The following KCNJ4 variants were observed in gnomAD, a reference collection of about 807,000 sequenced individuals.
KCNJ4 encodes potassium inwardly rectifying channel subfamily J member 4, also known as inward rectifier potassium channel 4.
Under a neutral mutation model 25.6 loss-of-function variants are expected in KCNJ4, and 3 were observed. The observed-to-expected ratio is 0.12, with a 90% CI of 0.05 to 0.30. The LOEUF is 0.30. Among genes scored for constraint, KCNJ4 ranks in the 10% least tolerant of loss-of-function variants. The probability of loss-of-function intolerance (pLI) is 1.00; values close to 1 mark genes in which losing one functional copy is unlikely to be tolerated. For missense variants in KCNJ4, 286 were observed against 666.8 expected, an observed-to-expected ratio of 0.43 and a Z score of 6.29; for synonymous variants, 257 against 283.9, an observed-to-expected ratio of 0.91 and a Z score of 0.95.
chr22:38,435,414 C>T (rs2267385), intron 1 of KCNJ4, among the ~76,000 whole-genome samples: 2,919 of 152,244 alleles, frequency 0.019, 94 homozygotes, highest in East Asian at 0.13. Context: ...CAGAATTTGC[C>T]GGGCACGGTG....
intron 1 of KCNJ4, among the ~76,000 whole-genome samples, chr22:38,446,954 C>CA (rs11294836): frequency 1.2e-3 from 162 of 133,856 alleles, no homozygotes; most frequent in Non-Finnish European, 1.8e-3. Flanking sequence ...GACTCCATCT[C>CA]AAAAAAAAAA....
chr22:38,440,585 A>G (rs796325037), intron 1 of KCNJ4, among the ~76,000 whole-genome samples: 2 of 152,350 alleles, frequency 1.3e-5, no homozygotes, highest in African/African-American at 4.8e-5. Flanking sequence ...CATTCCCAGT[A>G]TAATCCCAGT....
intron 1 of KCNJ4, among the ~76,000 whole-genome samples, chr22:38,448,387 G>A (rs774407514): frequency 6.6e-6 from 1 of 152,152 alleles, no homozygotes; most frequent in Non-Finnish European, 1.5e-5. Flanking sequence ...TACACAGAGG[G>A]GCAAAGAGAG....
rs1187110204 is a variant in KCNJ4 at position 38,428,142 on chromosome 22, C to G, written c.-10G>C. ...GGCTGTGTCCGTGCATGTCCTGAAG[C>G]CGGCGTGGTCACCTGGGAAGACGCA... On this transcript the variant is annotated 5_prime_UTR_variant, in exon 2 of 2. Coordinates refer to ENST00000303592, the MANE Select transcript of KCNJ4 (RefSeq NM_152868.3). 6.3e-7 allele frequency: 1 copy of G among 1,599,956 alleles called. No homozygotes were observed. Among genetic ancestry groups the G allele is most frequent in the Non-Finnish European group, 8.5e-7 (1 of 1,171,432 alleles).
intron 1 of KCNJ4, among the ~76,000 whole-genome samples, chr22:38,453,219 C>T (rs764505980): frequency 1.3e-5 from 2 of 152,136 alleles, no homozygotes; most frequent in African/African-American, 4.8e-5. Flanking sequence ...CTTTCACAGA[C>T]CTGACACAGT....
chr22:38,450,001 C>T (rs2089400999), intron 1 of KCNJ4, among the ~76,000 whole-genome samples: 1 of 152,238 alleles, frequency 6.6e-6, no homozygotes, highest in Non-Finnish European at 1.5e-5. Flanking sequence ...AAGGTCTATT[C>T]ATAGCCGAGC....
chr22:38,431,163 G>T (rs948184629), intron 1 of KCNJ4, among the ~76,000 whole-genome samples: 1 of 152,234 alleles, frequency 6.6e-6, no homozygotes, highest in African/African-American at 2.4e-5. Context: ...ACAAGCCCAG[G>T]GTTCCAGGGG....
At position 38,431,736 on chromosome 22, in the gene KCNJ4, G is replaced by C. The variant is rs189119249; in HGVS notation, c.-39-3565C>G. Among the ~76,000 whole-genome samples, 15 of 152,338 alleles carry C rather than the reference G, an allele frequency of 9.8e-5. No homozygotes were observed. In the East Asian group the frequency reaches 2.9e-3, roughly 29 times the overall value. On this transcript the variant is annotated intron_variant, in intron 1 of 1. Transcript: ENST00000303592. ...CACCACAGACCATTTTAGCAGGAGAGAGAGGTTCAGCTGCTAATTCGAGGC... is the reference window on the plus strand; with the variant it reads ...CACCACAGACCATTTTAGCAGGAGACAGAGGTTCAGCTGCTAATTCGAGGC...
At chr22:38,442,400 A>G (rs1241989238) in intron 1 of KCNJ4, among the ~76,000 whole-genome samples, 1 of 152,028 alleles carries the variant, frequency 6.6e-6, no homozygotes, top group African/African-American at 2.4e-5. Flanking sequence ...TCAAAAAATT[A>G]GCCAGGCGTG....
intron 1 of KCNJ4, among the ~76,000 whole-genome samples, chr22:38,434,736 T>A (rs1034405019): frequency 1.3e-5 from 2 of 152,168 alleles, no homozygotes; most frequent in Admixed American, 1.3e-4. Context: ...CCTCACTGTC[T>A]ATCTGCAGCA....
chr22:38,455,145 G>GTCTGCGCGTGGGTCTTGGGGTC lies in KCNJ4; in HGVS notation c.-227_-206dup, dbSNP rs1189736743. On this transcript the variant is annotated 5_prime_UTR_variant, in exon 1 of 2. Transcript: ENST00000303592. ...CGCTCCCCTCCCCGGCTGCCGCTCG[G>GTCTGCGCGTGGGTCTTGGGGTC]TCTGCGCGTGGGTCTTGGGGTCTCC... The GTCTGCGCGTGGGTCTTGGGGTC allele has an allele frequency of 2.0e-5, 3 of 148,152 alleles. No homozygotes were observed. Among genetic ancestry groups the GTCTGCGCGTGGGTCTTGGGGTC allele is most frequent in the Admixed American group, 6.7e-5 (1 of 14,958 alleles). The allele number at this position is 148,152 out of a possible 1,614,324, so 9.2% of individuals were successfully genotyped here.
At position 38,427,389 on chromosome 22, in the gene KCNJ4, G is replaced by C. The variant is rs752839382; in HGVS notation, c.744C>G (p.Ile248Met). Residue 248 changes from isoleucine (I) to methionine (M), a missense_variant, in exon 2 of 2, where the codon ATC becomes ATG. This residue lies in a region of KCNJ4 where 39 missense variants were observed against 100.9 expected (regional missense o/e 0.39). Coordinates refer to ENST00000303592, the MANE Select transcript of KCNJ4 (RefSeq NM_152868.3). ...DQRDLNVGYD[I>M]GLDRIFLVSP... ...ACACCAGGAAGATGCGGTCCAGGCC[G>C]ATGTCATAGCCCACGTTGAGGTCCC... is the stretch of plus-strand genomic sequence containing the variant. 1 of 1,613,970 alleles carries C rather than the reference G, an allele frequency of 6.2e-7. No individual in the cohort carries two copies. The highest frequency in any genetic ancestry group is 1.7e-5 in the Admixed American group (1 of 60,004).
intron 1 of KCNJ4, among the ~76,000 whole-genome samples, chr22:38,442,631 C>A (rs1280216173): frequency 6.6e-6 from 1 of 151,520 alleles, no homozygotes; most frequent in Admixed American, 6.6e-5. Flanking sequence ...AATTTCTTAA[C>A]CTCTCTGAGT....
chr22:38,430,078 C>G (rs570616654), intron 1 of KCNJ4, among the ~76,000 whole-genome samples: 1 of 152,162 alleles, frequency 6.6e-6, no homozygotes, highest in South Asian at 2.1e-4. Flanking sequence ...CACCCTGACT[C>G]CGAGTTCTTC....
chr22:38,435,925 C>T (rs2093064162), intron 1 of KCNJ4, among the ~76,000 whole-genome samples: 1 of 152,044 alleles, frequency 6.6e-6, no homozygotes, highest in Non-Finnish European at 1.5e-5. Context: ...CAAAGACAGA[C>T]TGAGCCACAG....
intron 1 of KCNJ4, among the ~76,000 whole-genome samples, chr22:38,448,777 T>C (rs2089392997): frequency 6.6e-6 from 1 of 152,026 alleles, no homozygotes. Flanking sequence ...GGAGAGGAAA[T>C]GGAGAGAAGG....
intron 1 of KCNJ4, among the ~76,000 whole-genome samples, chr22:38,446,461 G>C (rs961938575): frequency 1.3e-5 from 2 of 152,218 alleles, no homozygotes; most frequent in African/African-American, 4.8e-5. Flanking sequence ...AGCAGTTCTG[G>C]GGGCCTGGGT....
At position 38,426,750 on chromosome 22, in the gene KCNJ4, C is replaced by G; in HGVS notation, c.*45G>C. On this transcript the variant is annotated 3_prime_UTR_variant, in exon 2 of 2. Coordinates refer to ENST00000303592, the MANE Select transcript of KCNJ4 (RefSeq NM_152868.3). ...GAGGGGGTGTCCTGGCATCCCACCC[C>G]CGGCAGAGGCTCTTGTGGGCAGTGG... The G allele has an allele frequency of 6.4e-7, 1 of 1,558,182 alleles. No homozygotes were observed. Among genetic ancestry groups the G allele is most frequent in the Non-Finnish European group, 8.7e-7 (1 of 1,149,740 alleles).
chr22:38,428,207 G>C, intron 1 of KCNJ4, 36 bp from the exon 2 acceptor site: 1 of 1,523,832 alleles, frequency 6.6e-7, no homozygotes. Context: ...AGATGCTGGG[G>C]AGCGAGGGGC....
Sources: allele counts gnomAD v4.1 joint callset (sites outside exome capture counted in the v4.1 genomes callset), GRCh38; gene constraint gnomAD v4.1.1; regional missense constraint gnomAD v4.1.1; transcripts MANE v1.5; gene names NCBI Gene and HGNC (gene_info 2026-07-23, HGNC 2026-07-21).